Variants in NEDD9 observed in about 807,000 individuals in gnomAD.
NEDD9 encodes the protein neural precursor cell expressed, developmentally down-regulated 9, also known as enhancer of filamentation 1.
Under a neutral mutation model 76.6 loss-of-function variants are expected in NEDD9, and 26 were observed. The ratio of observed to expected loss-of-function variants is 0.34; its 90% CI spans 0.25 to 0.47. The LOEUF is 0.47. NEDD9 is among the 20% of genes least tolerant of loss of function. The pLI, the probability that NEDD9 is intolerant of heterozygous loss-of-function variation, is 1.00. For synonymous variants in NEDD9, 392 were observed against 414.2 expected (o/e 0.95, Z 0.65); for missense variants, 937 against 1,058.5 (o/e 0.89, Z 1.59).
intron 1 of NEDD9, among the ~76,000 whole-genome samples, chr6:11,372,546 A>G (rs533874917): frequency 6.6e-6 from 1 of 152,214 alleles, no homozygotes; most frequent in Non-Finnish European, 1.5e-5. Context: ...TGACAGCTCT[A>G]TTTTTAGTTT....
At position 11,333,651 on chromosome 6, in the gene NEDD9, C is replaced by T. The variant is rs141405522; in HGVS notation, c.-153+850G>A. On this transcript the variant is annotated intron_variant, in intron 2 of 3. Transcript: ENST00000397378. ...TCCCTCCTGGCAGGGAAGGCTGTCT[C>T]TACTTGCTCCTCTCTGAGAATGCTC... 2.5e-3 allele frequency among the ~76,000 whole-genome samples: 387 copies of T among 152,324 alleles called. 2 individuals carry two copies. Among genetic ancestry groups the T allele is most frequent in the African/African-American group, 8.8e-3 (365 of 41,584 alleles).
Position 11,238,328 on chromosome 6 carries a change from T to C in NEDD9, c.13-24601A>G, listed in dbSNP as rs140623142. 5.8e-3 allele frequency among the ~76,000 whole-genome samples: 879 copies of C among 152,312 alleles called. 7 individuals carry two copies. The highest frequency in any genetic ancestry group is 0.02 in the African/African-American group (842 of 41,562). Reference sequence around the variant, plus strand: ...GAACCCAGGCTTTCTGGTTTCTGAGTCTGTGTGGCCCTGACCATGGAGCTA... The same window carrying C: ...GAACCCAGGCTTTCTGGTTTCTGAGCCTGTGTGGCCCTGACCATGGAGCTA... On this transcript the variant is annotated intron_variant, in intron 3 of 3. Transcript: ENST00000397378.
chr6:11,196,412 G>C (rs543283892), intron 2 of NEDD9, among the ~76,000 whole-genome samples: 2 of 152,164 alleles, frequency 1.3e-5, no homozygotes, highest in Non-Finnish European at 2.9e-5. Context: ...TAAACACATA[G>C]CACGACCTCA....
Position 11,193,574 on chromosome 6 carries a change from C to T in NEDD9, c.561+17G>A. ...TTAGAAGCGCTTCTCCTCTTGTGAC[C>T]ATGTTCTGGTACGCACCCCTTGAGT... is the stretch of plus-strand genomic sequence containing the variant. On this transcript the variant is annotated intron_variant, in intron 3 of 6. Transcript: ENST00000379446. 6.3e-7 allele frequency: 1 copy of T among 1,591,720 alleles called. No individual in the cohort carries two copies. The highest frequency in any genetic ancestry group is 8.6e-7 in the Non-Finnish European group (1 of 1,160,660).
chr6:11,332,035 G>C (rs146320370), intron 2 of NEDD9, among the ~76,000 whole-genome samples: 94 of 152,356 alleles, frequency 6.2e-4, no homozygotes, highest in African/African-American at 2.2e-3. Context: ...GCCCAAGTTT[G>C]AACCAGAAGC....
chr6:11,331,668 G>C (rs1762040622), intron 2 of NEDD9, among the ~76,000 whole-genome samples: 1 of 152,154 alleles, frequency 6.6e-6, no homozygotes, highest in South Asian at 2.1e-4. Flanking sequence ...ACGACCCCTT[G>C]CCATTCTCCA....
At chr6:11,200,160 GAAC>G (rs33918656) in intron 2 of NEDD9, 36,905 of 268,010 alleles carry the variant, frequency 0.14, 2,881 homozygotes, top group Middle Eastern at 0.22. Flanking sequence ...GGGTAAGGGG[GAAC>G]ATTGGACTAT....
chr6:11,210,335 C>T (rs34801872), intron 2 of NEDD9, among the ~76,000 whole-genome samples: 5 of 152,076 alleles, frequency 3.3e-5, no homozygotes. Context: ...ACCCCGGTGG[C>T]TCAGAATAAG....
chr6:11,246,981 T>C (rs1176393491), intron 3 of NEDD9, among the ~76,000 whole-genome samples: 1 of 152,112 alleles, frequency 6.6e-6, no homozygotes, highest in Admixed American at 6.5e-5. Flanking sequence ...AGGCTGCTTG[T>C]GAAGGGACAC....
intron 1 of NEDD9, among the ~76,000 whole-genome samples, chr6:11,345,395 G>C (rs1484860298): frequency 3.3e-5 from 5 of 152,154 alleles, no homozygotes; most frequent in Non-Finnish European, 7.3e-5. Flanking sequence ...CTTGTACATG[G>C]AGCTGTCTTG....
chr6:11,192,544 T>A, intron 3 of NEDD9, 98 bp from the exon 4 acceptor site: 1 of 814,576 alleles, frequency 1.2e-6, no homozygotes, highest in Admixed American at 2.9e-5. Flanking sequence ...TTTACCAGGT[T>A]ATGTACAAGC....
intron 3 of NEDD9, among the ~76,000 whole-genome samples, chr6:11,300,951 G>A (rs2113402490): frequency 6.6e-6 from 1 of 152,282 alleles, no homozygotes; most frequent in East Asian, 1.9e-4. Flanking sequence ...TGAAGAAACT[G>A]CATCAATTAA....
At position 11,297,187 on chromosome 6, in the gene NEDD9, T is replaced by C. The variant is rs1181596002; in HGVS notation, c.12+8805A>G. 3.2e-4 allele frequency among the ~76,000 whole-genome samples: 48 copies of C among 151,928 alleles called. 1 individual carries two copies. Among genetic ancestry groups the C allele is most frequent in the Non-Finnish European group, 2.9e-5 (2 of 67,986 alleles). ...TCTGAGCCAGCCCCTTTATTCTTTA[T>C]TGTCTTCAGTGGAGCAATGGTAAAT... On this transcript the variant is annotated intron_variant, in intron 3 of 3. Transcript: ENST00000397378.
intron 1 of NEDD9, among the ~76,000 whole-genome samples, chr6:11,349,755 A>T (rs1291727797): frequency 6.6e-6 from 1 of 152,220 alleles, no homozygotes. Context: ...AACAACACAC[A>T]CTGGGAACTA....
At chr6:11,287,511 G>C (rs1456552842) in intron 3 of NEDD9, among the ~76,000 whole-genome samples, 1 of 144,398 alleles carries the variant, frequency 6.9e-6, no homozygotes, top group Non-Finnish European at 1.5e-5. Flanking sequence ...TGAAGGTACA[G>C]TAGTGCACAA....
At chr6:11,347,641 C>T (rs1488532927) in intron 1 of NEDD9, among the ~76,000 whole-genome samples, 3 of 152,176 alleles carry the variant, frequency 2.0e-5, no homozygotes, top group African/African-American at 7.2e-5. Context: ...GCTTGTTCAA[C>T]ATGTGCAAAT....
intron 1 of NEDD9, among the ~76,000 whole-genome samples, chr6:11,366,885 G>A (rs1436666651): frequency 1.3e-5 from 2 of 152,150 alleles, no homozygotes; most frequent in Non-Finnish European, 2.9e-5. Context: ...CAGGACCACT[G>A]TGAAAGTGAA....
chr6:11,233,581 T>G (rs1759543017), upstream of NEDD9: 2 of 508,284 alleles, frequency 3.9e-6, no homozygotes, highest in Non-Finnish European at 7.9e-6. Flanking sequence ...CAACACTTAT[T>G]ATCCAGGAGA....
upstream of NEDD9, among the ~76,000 whole-genome samples, chr6:11,235,106 G>T (rs1759572140): frequency 6.6e-6 from 1 of 152,096 alleles, no homozygotes; most frequent in African/African-American, 2.4e-5. This position sits in a 1 kb window ranked among gnomAD's most constrained non-coding sequence, Gnocchi z 4.1. Flanking sequence ...AGATAATGTG[G>T]ATAGAATTTA....
Sources: gnomAD v4.1 joint callset for allele counts (sites outside exome capture counted in the v4.1 genomes callset) on GRCh38, gnomAD v4.1.1 for gene constraint, Gnocchi (gnomAD v3.1) non-coding constraint, MANE v1.5 for transcripts, NCBI Gene and HGNC (gene_info 2026-07-23, HGNC 2026-07-21) for gene names.